ZNF273: variants seen among roughly 807,000 people sequenced by gnomAD.
ZNF273 encodes the protein zinc finger protein 9.
Under a neutral mutation model 14.9 loss-of-function variants are expected in ZNF273, and 11 were observed. That is an observed-to-expected ratio of 0.74 (90% CI 0.46 to 1.22). The LOEUF is 1.22. Among genes scored for constraint, ZNF273 ranks in the 50% most tolerant of loss-of-function variants. ZNF273 has a pLI of 0.00. For synonymous variants in ZNF273, 199 were observed against 223.9 expected (o/e 0.89, Z 0.99); for missense variants, 577 against 660.6 (o/e 0.87, Z 1.39).
chr7:64,911,979 A>T (rs1187999308), intron 1 of ZNF273, among the ~76,000 whole-genome samples: 1 of 152,152 alleles, frequency 6.6e-6, no homozygotes, highest in African/African-American at 2.4e-5. Context: ...CAATTCCATT[A>T]TTTACCCAAA....
downstream of ZNF273, among the ~76,000 whole-genome samples, chr7:64,884,283 CTT>C (rs747309559): frequency 1.2e-4 from 18 of 152,210 alleles, no homozygotes; most frequent in African/African-American, 3.6e-4. Flanking sequence ...ACAGGAGTCT[CTT>C]GGGTTTCTGG....
chr7:64,912,392 G>A (rs1013009594), intron 1 of ZNF273, among the ~76,000 whole-genome samples: 2 of 150,728 alleles, frequency 1.3e-5, no homozygotes, highest in African/African-American at 4.9e-5. Flanking sequence ...GTGGGGTGTT[G>A]TTTTCTTCCA....
At chr7:64,902,483 A>C (rs1380592308), upstream of ZNF273, among the ~76,000 whole-genome samples, 1 of 152,208 alleles carries the variant, frequency 6.6e-6, no homozygotes, top group Non-Finnish European at 1.5e-5. Flanking sequence ...TAATCCCAGC[A>C]CTTTGGGAAG....
chr7:64,921,920 T>TGC (rs1431861954), intron 3 of ZNF273, among the ~76,000 whole-genome samples: 1 of 152,010 alleles, frequency 6.6e-6, no homozygotes, highest in Non-Finnish European at 1.5e-5. Context: ...AGAGCTACCA[T>TGC]GCCCAGCCAC....
chr7:64,888,219 T>G, intron 1 of ZNF273: 12 of 876,012 alleles, frequency 1.4e-5, no homozygotes, highest in Non-Finnish European at 1.6e-5. Flanking sequence ...CTGCTGCTGC[T>G]GCTGCCCCAC....
intron 1 of ZNF273, among the ~76,000 whole-genome samples, chr7:64,885,035 C>T (rs773496229): frequency 6.6e-5 from 10 of 152,234 alleles, no homozygotes; most frequent in Non-Finnish European, 8.8e-5. Flanking sequence ...ACACCTGTCG[C>T]GAGCGGTGAG....
At chr7:64,900,738 A>G (rs1460629646), upstream of ZNF273, among the ~76,000 whole-genome samples, 2 of 152,200 alleles carry the variant, frequency 1.3e-5, no homozygotes, top group African/African-American at 4.8e-5. Flanking sequence ...TGCACCGTAT[A>G]CAAATGGCAC....
Position 64,928,176 on chromosome 7 carries a change from T to G in ZNF273, c.848T>G (p.Ile283Ser), listed in dbSNP as rs193031621. The G allele has an allele frequency of 4.8e-4, 777 of 1,613,232 alleles. No individual in the cohort carries two copies. Among genetic ancestry groups the G allele is most frequent in the Non-Finnish European group, 6.4e-4 (750 of 1,179,758 alleles). Residue 283 changes from isoleucine to serine, a missense_variant, in exon 4 of 4, where the codon ATT becomes AGT. Coordinates refer to ENST00000476120, the MANE Select transcript of ZNF273 (RefSeq NM_021148.3). The part of the protein sequence containing the change: ...QSLTLTKHKK[I>S]HTEEKPYKCE... ...TTAACTCTTACTAAACATAAAAAAATTCATACTGAAGAGAAACCTTACAAA... is the reference window on the plus strand; with the variant it reads ...TTAACTCTTACTAAACATAAAAAAAGTCATACTGAAGAGAAACCTTACAAA...
At chr7:64,880,424 A>G (rs1791212939), downstream of ZNF273, among the ~76,000 whole-genome samples, 1 of 151,956 alleles carries the variant, frequency 6.6e-6, no homozygotes, top group Admixed American at 6.6e-5. Flanking sequence ...GCGAAGCAGA[A>G]CCGCGCTGCC....
At chr7:64,908,755 G>A (rs971900861) in intron 1 of ZNF273, among the ~76,000 whole-genome samples, 2 of 152,144 alleles carry the variant, frequency 1.3e-5, no homozygotes, top group African/African-American at 4.8e-5. Context: ...ACTTATAAAT[G>A]AGAACATGTA....
chr7:64,903,075 G>T (rs930788851), upstream of ZNF273, among the ~76,000 whole-genome samples: 1 of 152,140 alleles, frequency 6.6e-6, no homozygotes, highest in Non-Finnish European at 1.5e-5. Flanking sequence ...CAGGGAGGAA[G>T]CCCTGACTGA....
intron 3 of ZNF273, among the ~76,000 whole-genome samples, chr7:64,895,591 T>C (rs1792321633): frequency 6.6e-6 from 1 of 152,162 alleles, no homozygotes; most frequent in African/African-American, 2.4e-5. Flanking sequence ...GTAAAATGAG[T>C]TCTGGCTTAG....
At chr7:64,909,031 C>A (rs769028156) in intron 1 of ZNF273, among the ~76,000 whole-genome samples, 6 of 151,906 alleles carry the variant, frequency 3.9e-5, no homozygotes, top group Non-Finnish European at 7.4e-5. Context: ...TACCTCAGCC[C>A]CCAAAGTAGC....
At chr7:64,915,201 A>G (rs1236283704) in intron 1 of ZNF273, among the ~76,000 whole-genome samples, 2 of 149,164 alleles carry the variant, frequency 1.3e-5, no homozygotes, top group African/African-American at 5.0e-5. Flanking sequence ...GTGATGTGCA[A>G]CATTAAAAAT....
upstream of ZNF273, among the ~76,000 whole-genome samples, chr7:64,900,247 C>A (rs375118358): frequency 6.6e-5 from 10 of 152,096 alleles, no homozygotes; most frequent in East Asian, 9.7e-4. Flanking sequence ...CCACCTCAGA[C>A]TCCTGAGTAG....
At position 64,878,480 on chromosome 7, in the gene ZNF273, G is replaced by C. The variant is rs529134468; in HGVS notation, n.315G>C. On this transcript the variant is annotated non_coding_transcript_exon_variant, in exon 2 of 3. Coordinates refer to the ZNF273 transcript ENST00000465954. ...TCGTCTTGGTATTTCATTCTGGTCG[G>C]AGAGGTCCGATACGGGTGAGAATAC... is the stretch of plus-strand genomic sequence containing the variant. 8.5e-5 allele frequency: 13 copies of C among 152,448 alleles called. No homozygotes were observed. The East Asian group carries it at 1.7e-3, about 20-fold the overall frequency. The allele number at this position is 152,448 out of a possible 1,614,324, so 9.4% of individuals were successfully genotyped here. A position where few individuals can be genotyped will look rare whatever the true frequency, so the allele number is the denominator to read the frequency against.
Position 64,928,701 on chromosome 7 carries a change from A to G in ZNF273, c.1373A>G (p.Tyr458Cys), listed in dbSNP as rs566409807. The change falls in exon 4 of 4, where the codon TAC (tyrosine) becomes TGC (cysteine). Residue 458 changes from tyrosine (Y) to cysteine (C), a missense_variant. By Grantham distance (194) the Tyr-to-Cys change is radical (BLOSUM62 -2). Around this residue, in one of 3 missense-constraint regions of ZNF273, gnomAD observed 411 missense variants for 440.4 expected, o/e 0.93. Transcript: ENST00000476120. ...HKIIHTGAKP[Y>C]KCEECGSAFR... ...ATAATTCATACTGGAGCAAAACCTT[A>G]CAAATGTGAAGAATGTGGCAGTGCC... The G allele has an allele frequency of 6.2e-7, 1 of 1,607,170 alleles. No homozygotes were observed. The highest frequency in any genetic ancestry group is 1.7e-5 in the Admixed American group (1 of 59,918).
intron 3 of ZNF273, among the ~76,000 whole-genome samples, chr7:64,918,558 G>A (rs1794179955): frequency 6.6e-6 from 1 of 151,154 alleles, no homozygotes; most frequent in South Asian, 2.1e-4. Flanking sequence ...CTACTTGGAA[G>A]GCTGAGGCAG....
At chr7:64,912,826 G>GTTTTTTGTTGTTTTTTTT in intron 1 of ZNF273, among the ~76,000 whole-genome samples, 17 of 36,574 alleles carry the variant, frequency 4.6e-4, no homozygotes, top group East Asian at 1.2e-3. Flanking sequence ...ATTCATTTTA[G>GTTTTTTGTTGTTTTTTTT]TTTTTTTTTT....
Sources: gnomAD v4.1 joint callset for allele counts (sites outside exome capture counted in the v4.1 genomes callset) on GRCh38, gnomAD v4.1.1 for gene constraint, gnomAD v4.1.1 regional missense constraint, MANE v1.5 for transcripts, NCBI Gene and HGNC (gene_info 2026-07-23, HGNC 2026-07-21) for gene names.